The following ARHGAP24 variants were observed in gnomAD, a reference collection of about 807,000 sequenced individuals.
ARHGAP24 encodes the protein Rho GTPase activating protein 24.
ARHGAP24 carries 50 observed loss-of-function variants against 76.4 expected under a neutral mutation model. That is an observed-to-expected ratio of 0.65 (90% CI 0.52 to 0.83). ARHGAP24 has a LOEUF of 0.83. ARHGAP24 is among the 40% of genes least tolerant of loss of function. The pLI, the probability that ARHGAP24 is intolerant of heterozygous loss-of-function variation, is 0.00. For missense variants in ARHGAP24, 930 were observed against 914.2 expected, an observed-to-expected ratio of 1.02 and a Z score of -0.22; for synonymous variants, 345 against 323.3, an observed-to-expected ratio of 1.07 and a Z score of -0.72.
Position 85,649,037 on chromosome 4 carries a change from T to TGTTTG in ARHGAP24, c.181-72848_181-72847insGTTTG, listed in dbSNP as rs199528525. On this transcript the variant is annotated intron_variant, in intron 2 of 9. Transcript: ENST00000395184. ...TGTGTGTGTGTGTGTGTGTGTGTGT[T>TGTTTG]TGTGTGTGTGTGCTTATATTCTATT... Among the ~76,000 whole-genome samples the TGTTTG allele has an allele frequency of 2.7e-5, 3 of 111,166 alleles. No homozygotes were observed. In the South Asian group the frequency reaches 8.6e-4, roughly 32 times the overall value. The allele number at this position is 111,166 out of a possible 152,430, so 72.9% of individuals were successfully genotyped here.
At chr4:85,578,471 A>G (rs1727477827) in intron 2 of ARHGAP24, among the ~76,000 whole-genome samples, 1 of 152,146 alleles carries the variant, frequency 6.6e-6, no homozygotes, top group South Asian at 2.1e-4. Flanking sequence ...TCCAGAATTG[A>G]TTTGTCCGGT....
intron 2 of ARHGAP24, among the ~76,000 whole-genome samples, chr4:85,636,664 T>G (rs1275678804): frequency 6.6e-6 from 1 of 151,848 alleles, no homozygotes; most frequent in Non-Finnish European, 1.5e-5. Context: ...CCTCTGAAAA[T>G]GCGGTGGAAA....
intron 3 of ARHGAP24, among the ~76,000 whole-genome samples, chr4:85,899,781 C>T (rs760669740): frequency 3.3e-5 from 5 of 152,182 alleles, no homozygotes; most frequent in Non-Finnish European, 5.9e-5. Flanking sequence ...AGCATGGTGG[C>T]TCACCCCTGT....
intron 2 of ARHGAP24, among the ~76,000 whole-genome samples, chr4:85,683,301 C>A (rs1224310833): frequency 6.6e-6 from 1 of 152,064 alleles, no homozygotes. Context: ...TACATAAATT[C>A]TCTCACACGT....
chr4:85,977,425 G>A (rs948682888), intron 7 of ARHGAP24, 145 bp from the exon 8 acceptor site: 165 of 902,138 alleles, frequency 1.8e-4, no homozygotes, highest in Non-Finnish European at 2.6e-4. Flanking sequence ...GTGTTTGAGT[G>A]AGAGATGGGT....
At chr4:85,935,629 G>C (rs1359278520) in intron 4 of ARHGAP24, among the ~76,000 whole-genome samples, 1 of 152,146 alleles carries the variant, frequency 6.6e-6, no homozygotes, top group East Asian at 1.9e-4. Context: ...CCACTTTCTA[G>C]ATGTGTGACC....
At chr4:85,978,843 G>C (rs1739482856) in intron 8 of ARHGAP24, among the ~76,000 whole-genome samples, 1 of 152,066 alleles carries the variant, frequency 6.6e-6, no homozygotes, top group African/African-American at 2.4e-5. Flanking sequence ...CCCAGTGTCT[G>C]TCATCCTAAT....
chr4:85,660,269 A>G (rs1722328340), intron 2 of ARHGAP24, among the ~76,000 whole-genome samples: 2 of 152,206 alleles, frequency 1.3e-5, no homozygotes, highest in African/African-American at 4.8e-5. Context: ...GATTGAATTA[A>G]TTCTCACACT....
At chr4:85,974,618 G>A (rs2148853922) in intron 6 of ARHGAP24, among the ~76,000 whole-genome samples, 1 of 152,224 alleles carries the variant, frequency 6.6e-6, no homozygotes, top group Non-Finnish European at 1.5e-5. Flanking sequence ...TCTCTTTTCA[G>A]TCAATTGTGA....
In ARHGAP24 at chr4:85,965,850, T is replaced by A. The variant is rs138053143; in HGVS notation, c.600-6186T>A. Among the ~76,000 whole-genome samples the A allele has an allele frequency of 3.3e-3, 505 of 152,314 alleles. 6 individuals are homozygous for A. Among genetic ancestry groups the A allele is most frequent in the South Asian group, 0.019 (92 of 4,832 alleles). On this transcript the variant is annotated intron_variant, in intron 5 of 9. Coordinates refer to ENST00000395184, the MANE Select transcript of ARHGAP24 (RefSeq NM_001025616.3). ...CATAAATTCACATTAACTGAAAGCA[T>A]GTTTCTGCTTTTGCAATAACATTTC... is the stretch of plus-strand genomic sequence containing the variant.
At chr4:85,963,812 C>A (rs1211164421) in intron 5 of ARHGAP24, among the ~76,000 whole-genome samples, 1 of 152,012 alleles carries the variant, frequency 6.6e-6, no homozygotes, top group Admixed American at 6.6e-5. Flanking sequence ...CCTTTGCATT[C>A]AAATATCGTA....
At chr4:85,920,206 T>C (rs1735648226) in intron 3 of ARHGAP24, among the ~76,000 whole-genome samples, 2 of 152,338 alleles carry the variant, frequency 1.3e-5, no homozygotes, top group South Asian at 2.1e-4. Flanking sequence ...TTAAATGACA[T>C]AAATTTAATA....
intron 3 of ARHGAP24, among the ~76,000 whole-genome samples, chr4:85,839,695 C>T (rs1387567711): frequency 6.6e-6 from 1 of 151,916 alleles, no homozygotes; most frequent in African/African-American, 2.4e-5. Flanking sequence ...GTGATCCACC[C>T]GCCTCAGCCT....
At chr4:85,731,824 T>TTA (rs1179859193) in intron 3 of ARHGAP24, among the ~76,000 whole-genome samples, 1 of 152,206 alleles carries the variant, frequency 6.6e-6, no homozygotes, top group Admixed American at 6.5e-5. Context: ...TCACTATACA[T>TTA]TATATATATT....
chr4:85,598,218 A>T (rs1393834993), intron 2 of ARHGAP24, among the ~76,000 whole-genome samples: 1 of 152,050 alleles, frequency 6.6e-6, no homozygotes, highest in Non-Finnish European at 1.5e-5. Flanking sequence ...AAAAGAAGTA[A>T]AATTTTAGCT....
chr4:85,828,528 T>A (rs1452677), intron 3 of ARHGAP24, among the ~76,000 whole-genome samples: 60,235 of 146,006 alleles, frequency 0.41, 12,205 homozygotes, highest in South Asian at 0.5. Flanking sequence ...TTTTTTTTTT[T>A]AAAAAAAGCC....
At chr4:85,816,521 A>C (rs752045147) in intron 3 of ARHGAP24, among the ~76,000 whole-genome samples, 22 of 152,338 alleles carry the variant, frequency 1.4e-4, no homozygotes, top group Non-Finnish European at 2.2e-4. Flanking sequence ...TACAATAAAG[A>C]AAGTTTCCTC....
intron 2 of ARHGAP24, among the ~76,000 whole-genome samples, chr4:85,578,672 A>G (rs1727486114): frequency 6.6e-6 from 1 of 152,210 alleles, no homozygotes; most frequent in Admixed American, 6.5e-5. Context: ...ACAATACATG[A>G]AATAATGTTT....
In ARHGAP24 at chr4:85,489,781, A is replaced by G. The variant is rs190274973; in HGVS notation, c.-21+14222A>G. 5.9e-5 allele frequency among the ~76,000 whole-genome samples: 9 copies of G among 152,292 alleles called. No individual in the cohort carries two copies. In the East Asian group the frequency reaches 1.7e-3, roughly 29 times the overall value. On this transcript the variant is annotated intron_variant, in intron 1 of 9. Coordinates refer to ENST00000395184, the MANE Select transcript of ARHGAP24 (RefSeq NM_001025616.3). ...TCCCTTCTGGGACTGTGCTTCTGAT[A>G]TATATTTCCAAGCAAGAATAGGACA...
Sources: allele counts gnomAD v4.1 joint callset (sites outside exome capture counted in the v4.1 genomes callset), GRCh38; gene constraint gnomAD v4.1.1; transcripts MANE v1.5; gene names NCBI Gene and HGNC (gene_info 2026-07-23, HGNC 2026-07-21).